The following SULF2 variants were observed in gnomAD, a reference collection of about 807,000 sequenced individuals.
The protein encoded by SULF2 is extracellular sulfatase Sulf-2.
In SULF2, 52 loss-of-function variants were observed where a neutral mutation model predicts 107.7. The observed-to-expected ratio is 0.48, with a 90% CI of 0.39 to 0.61. SULF2 has a LOEUF of 0.61. Ranked by LOEUF, SULF2 falls within the 20% of genes least tolerant of loss-of-function variation. The probability of loss-of-function intolerance (pLI) is 0.00; values close to 1 mark genes in which losing one functional copy is unlikely to be tolerated. For missense variants in SULF2, 993 were observed against 1,177.3 expected (o/e 0.84, Z 2.29); for synonymous variants, 460 against 464.3 (o/e 0.99, Z 0.12).
intron 2 of SULF2, among the ~76,000 whole-genome samples, chr20:47,741,017 G>A (rs4810678): frequency 0.11 from 15,982 of 152,014 alleles, 891 homozygotes; most frequent in South Asian, 0.19. Flanking sequence ...TCTCTTCAAC[G>A]TAAACACCCA....
Position 47,757,353 on chromosome 20 carries a change from G to GA in SULF2, c.10_11insT (p.Pro4LeufsTer108), listed in dbSNP as rs1568911204. On this transcript the variant is annotated frameshift_variant, in exon 2 of 21. Coordinates refer to ENST00000688720, the MANE Select transcript of SULF2 (RefSeq NM_001387048.1). LOFTEE classifies it high-confidence loss of function. ...GGACAGCAAGCACAGCACGAGGCTCGGGGGGCCCATCTTCTTTTTTTGCTG... is the reference window on the plus strand; with the variant it reads ...GGACAGCAAGCACAGCACGAGGCTCGAGGGGGCCCATCTTCTTTTTTTGCTG... The GA allele has an allele frequency of 6.3e-7, 1 of 1,589,702 alleles. No individual in the cohort carries two copies. The highest frequency in any genetic ancestry group is 2.3e-5 in the East Asian group (1 of 44,032).
intron 7 of SULF2, among the ~76,000 whole-genome samples, chr20:47,679,410 C>T (rs991140006): frequency 5.3e-5 from 8 of 152,218 alleles, no homozygotes; most frequent in African/African-American, 1.9e-4. Flanking sequence ...GACCAACCTG[C>T]ACCTGCTGCC....
chr20:47,737,629 G>A (rs551694861), intron 2 of SULF2, among the ~76,000 whole-genome samples: 1 of 152,154 alleles, frequency 6.6e-6, no homozygotes, highest in African/African-American at 2.4e-5. Flanking sequence ...CCCTCTCGTA[G>A]GGAGCCTCTG....
chr20:47,698,459 C>T (rs1053382824), intron 4 of SULF2, among the ~76,000 whole-genome samples: 3 of 152,136 alleles, frequency 2.0e-5, no homozygotes, highest in Admixed American at 6.5e-5. Flanking sequence ...CCCATGCTTG[C>T]AGCTGGCCAG....
At chr20:47,762,176 C>G (rs1033563792) in intron 1 of SULF2, among the ~76,000 whole-genome samples, 1 of 152,228 alleles carries the variant, frequency 6.6e-6, no homozygotes, top group East Asian at 1.9e-4. Flanking sequence ...TGGCCCATGT[C>G]CCTCCATCGG....
intron 7 of SULF2, among the ~76,000 whole-genome samples, chr20:47,681,250 T>C (rs923736337): frequency 1.3e-5 from 2 of 152,240 alleles, no homozygotes; most frequent in Non-Finnish European, 1.5e-5. Context: ...TCAGTAACTA[T>C]AGTTACTGTG....
chr20:47,698,533 C>T (rs1167908839), intron 4 of SULF2, among the ~76,000 whole-genome samples: 1 of 152,158 alleles, frequency 6.6e-6, no homozygotes, highest in Non-Finnish European at 1.5e-5. Flanking sequence ...TCTGTGAATA[C>T]AGTCGAGCAG....
At chr20:47,671,731 T>G (rs1336358445) in intron 11 of SULF2, among the ~76,000 whole-genome samples, 1 of 152,294 alleles carries the variant, frequency 6.6e-6, no homozygotes, top group East Asian at 1.9e-4. Context: ...CTTCCTTTTT[T>G]TTGAGATGGA....
At chr20:47,687,199 C>T (rs1213398867) in intron 5 of SULF2, among the ~76,000 whole-genome samples, 6 of 152,098 alleles carry the variant, frequency 3.9e-5, no homozygotes, top group African/African-American at 1.2e-4. Context: ...AGCCCCGGCT[C>T]GGAGAGAGCG....
intron 3 of SULF2, among the ~76,000 whole-genome samples, chr20:47,725,367 T>C (rs1250478645): frequency 6.6e-6 from 1 of 152,176 alleles, no homozygotes; most frequent in Non-Finnish European, 1.5e-5. Context: ...AATCTACCCA[T>C]ATGAGTGATG....
chr20:47,778,550 G>A (rs1774558115), intron 1 of SULF2, among the ~76,000 whole-genome samples: 2 of 152,206 alleles, frequency 1.3e-5, no homozygotes, highest in Admixed American at 1.3e-4. Context: ...CCCTGGCCTG[G>A]GCTGGAGGAG....
chr20:47,732,005 C>CTGTG (rs1356475759), intron 3 of SULF2, among the ~76,000 whole-genome samples: 3 of 152,188 alleles, frequency 2.0e-5, no homozygotes, highest in Non-Finnish European at 4.4e-5. Flanking sequence ...CTGAGGTGGG[C>CTGTG]TGTGTGATGT....
At chr20:47,741,238 C>T (rs1251526400) in intron 2 of SULF2, among the ~76,000 whole-genome samples, 1 of 152,064 alleles carries the variant, frequency 6.6e-6, no homozygotes, top group Non-Finnish European at 1.5e-5. Context: ...CAATCCCCTC[C>T]CCTCCCTAAC....
At position 47,717,813 on chromosome 20, in the gene SULF2, A is replaced by ATTT. The variant is rs11484145; in HGVS notation, c.416-15146_416-15144dup. 8.2e-3 allele frequency among the ~76,000 whole-genome samples: 1,110 copies of ATTT among 135,434 alleles called. 13 individuals are homozygous for ATTT. The highest frequency in any genetic ancestry group is 0.011 in the Non-Finnish European group (698 of 63,638). 88.8% of individuals were successfully genotyped at this position (135,434 alleles called of 152,430 possible). ...CCAGAAGTGTAGGGTTTCAGAGATA[A>ATTT]TTTTTTTTTTTTTTTTTTGAGATGG... is the stretch of plus-strand genomic sequence containing the variant. On this transcript the variant is annotated intron_variant, in intron 3 of 20. Coordinates refer to ENST00000688720, the MANE Select transcript of SULF2 (RefSeq NM_001387048.1).
rs1265172350 is a variant in SULF2 at position 47,664,182 on chromosome 20, T to A, written c.2005A>T (p.Thr669Ser). 6.2e-7 allele frequency: 1 copy of A among 1,612,244 alleles called. No homozygotes were observed. The highest frequency in any genetic ancestry group is 1.7e-5 in the Admixed American group (1 of 59,860). The change falls in exon 15 of 21, where the codon ACC becomes TCC. Residue 669 changes from threonine (T) to serine (S), a missense_variant. By Grantham distance (58) the Thr-to-Ser change is moderately conservative. Coordinates refer to ENST00000688720, the MANE Select transcript of SULF2 (RefSeq NM_001387048.1). ...TGCTTGAGGCGGCCTTTGTGCTGGG[T>A]GTGGTAGCTGTAACAGACCCCCCCA... ...ECDCHKISYHTQHKGRLKHRG... is the reference protein window; with the variant it reads ...ECDCHKISYHSQHKGRLKHRG...
At chr20:47,725,516 C>T (rs931896433) in intron 3 of SULF2, among the ~76,000 whole-genome samples, 2 of 152,172 alleles carry the variant, frequency 1.3e-5, no homozygotes, top group Admixed American at 6.5e-5. Flanking sequence ...TCACCATCAC[C>T]GGCAATGCAG....
chr20:47,749,792 G>T (rs1005485452), intron 2 of SULF2, among the ~76,000 whole-genome samples: 6 of 152,222 alleles, frequency 3.9e-5, no homozygotes, highest in African/African-American at 1.4e-4. Flanking sequence ...GATCTGGGGA[G>T]GGTCTCAGAT....
chr20:47,708,220 C>T (rs1445469054), intron 3 of SULF2, among the ~76,000 whole-genome samples: 2 of 152,118 alleles, frequency 1.3e-5, no homozygotes, highest in African/African-American at 4.8e-5. Context: ...ACAGAGTGGC[C>T]CCACGCAGTG....
chr20:47,658,190 G>T lies in SULF2; in HGVS notation c.*172C>A. The T allele has an allele frequency of 1.5e-6, 1 of 681,150 alleles. No homozygotes were observed. The highest frequency in any genetic ancestry group is 2.6e-6 in the Non-Finnish European group (1 of 379,752). The allele number at this position is 681,150 out of a possible 1,614,324, so 42.2% of individuals were successfully genotyped here. ...AAATGGACTTCCTGAAGTTATCTCTGCTCCTGCTGGTTATCCTCCAGAATC... is the reference window on the plus strand; with the variant it reads ...AAATGGACTTCCTGAAGTTATCTCTTCTCCTGCTGGTTATCCTCCAGAATC... On this transcript the variant is annotated 3_prime_UTR_variant, in exon 21 of 21. Coordinates refer to ENST00000688720, the MANE Select transcript of SULF2 (RefSeq NM_001387048.1).
Sources: gnomAD v4.1 joint callset for allele counts (sites outside exome capture counted in the v4.1 genomes callset) on GRCh38, gnomAD v4.1.1 for gene constraint, MANE v1.5 for transcripts, NCBI Gene and HGNC (gene_info 2026-07-23, HGNC 2026-07-21) for gene names.